The following LOXL3 variants were observed in gnomAD, a reference collection of about 807,000 sequenced individuals.
LOXL3 encodes the protein lysyl oxidase like 3.
LOXL3 carries 60 observed loss-of-function variants against 91.8 expected under a neutral mutation model. That is an observed-to-expected ratio of 0.65 (90% confidence interval 0.53 to 0.81). The LOEUF (loss-of-function observed/expected upper bound fraction) is 0.81, where lower values mean the gene tolerates loss of function less well. Ranked by LOEUF, LOXL3 falls within the 30% of genes least tolerant of loss-of-function variation. The pLI, the probability that LOXL3 is intolerant of heterozygous loss-of-function variation, is 0.00. For synonymous variants in LOXL3, 355 were observed against 387.6 expected, an observed-to-expected ratio of 0.92 and a Z score of 0.99; for missense variants, 874 against 1,000.4, an observed-to-expected ratio of 0.87 and a Z score of 1.70.
chr2:74,553,038 G>A (rs1677124711), intron 1 of LOXL3: 1 of 194,524 alleles, frequency 5.1e-6, no homozygotes, highest in Non-Finnish European at 1.0e-5. Context: ...ACAGAGGAGA[G>A]AGACAACGGA....
rs747492537 is a variant in LOXL3, at chr2:74,536,362, G to A, written c.1022C>T (p.Ala341Val). The A allele has an allele frequency of 6.2e-7, 1 of 1,614,004 alleles. No individual in the cohort carries two copies. The highest frequency in any genetic ancestry group is 8.5e-7 in the Non-Finnish European group (1 of 1,180,020). Reference sequence around the variant, plus strand: ...GCCCAGCTCCCGACACACCACGCTGGCTGCATGCAGGTCCCACTTGCGGTC... The same window carrying A: ...GCCCAGCTCCCGACACACCACGCTGACTGCATGCAGGTCCCACTTGCGGTC... ...VCDRKWDLHA[A>V]SVVCRELGFG... Residue 341 changes from alanine to valine, a missense_variant, in exon 6 of 14, where the codon GCC (alanine) becomes GTC (valine). Coordinates refer to ENST00000264094, the MANE Select transcript of LOXL3 (RefSeq NM_032603.5). This position sits in a 1 kb window ranked among gnomAD's most constrained non-coding sequence, Gnocchi z 4.5.
intron 11 of LOXL3, 34 bp from the exon 12 acceptor site, chr2:74,534,270 G>A (rs764571491): frequency 6.2e-7 from 1 of 1,614,194 alleles, no homozygotes; most frequent in South Asian, 1.1e-5. Flanking sequence ...TGTAAGGAAA[G>A]GCTGTGCAAT....
chr2:74,542,542 A>C (rs1371546274), intron 4 of LOXL3, among the ~76,000 whole-genome samples: 14 of 149,430 alleles, frequency 9.4e-5, no homozygotes, highest in African/African-American at 2.7e-4. Flanking sequence ...ACACACACAC[A>C]CCCTCTACTT....
intron 1 of LOXL3, 116 bp from the exon 2 acceptor site, chr2:74,552,762 C>A (rs138113824): frequency 3.4e-6 from 3 of 893,148 alleles, no homozygotes; most frequent in African/African-American, 1.7e-5. Context: ...ACAGAGACAG[C>A]GAGAGACAAC....
rs761763376 is a variant in LOXL3, at chr2:74,534,809, C to CGGGG, written c.1580-36_1580-35insCCCC. The CGGGG allele has an allele frequency of 2.5e-6, 4 of 1,596,270 alleles. No individual in the cohort carries two copies. In the African/African-American group the frequency reaches 5.4e-5, roughly 21 times the overall value. On this transcript the variant is annotated intron_variant, in intron 9 of 13. Coordinates refer to ENST00000264094, the MANE Select transcript of LOXL3 (RefSeq NM_032603.5). Reference sequence around the variant, plus strand: ...GAAAGGAAGGGGGTGTTAGAAGTCACTGCTGACTTCACAGAGAGGGGTGCT... The same window carrying CGGGG: ...GAAAGGAAGGGGGTGTTAGAAGTCACGGGGTGCTGACTTCACAGAGAGGGGTGCT...
At position 74,532,669 on chromosome 2, in the gene LOXL3, A is replaced by T. The variant is rs749358679; in HGVS notation, c.*937T>A. The stretch of plus-strand genomic sequence containing the variant: ...GAACCAAGCTTTCCCGATGTTCAGC[A>T]TGGTGTACTCATCCATAAAGTCATC... On this transcript the variant is annotated 3_prime_UTR_variant, in exon 14 of 14. Transcript: ENST00000264094. The T allele has an allele frequency of 1.2e-6, 2 of 1,613,836 alleles. No homozygotes were observed. Among genetic ancestry groups the T allele is most frequent in the South Asian group, 2.2e-5 (2 of 91,054 alleles).
At chr2:74,555,076 C>G, upstream of LOXL3, 1 of 1,512,822 alleles carries the variant, frequency 6.6e-7, no homozygotes, top group Non-Finnish European at 8.9e-7. This position sits in a 1 kb window ranked among gnomAD's most constrained non-coding sequence, Gnocchi z 6.1. Flanking sequence ...TCGACTTGCG[C>G]CGCAACCTCC....
At position 74,535,335 on chromosome 2, in the gene LOXL3, C is replaced by T. The variant is rs1675952067; in HGVS notation, c.1536G>A (p.Lys512=). The part of the protein sequence containing the change: ...CAHHGTHITC[K]RTGTRFTAGV... ...CAGCAGTGAAGCGGGTCCCTGTCCTCTTGCAGGTGATGTGGGTGCCATGAT... is the reference window on the plus strand; with the variant it reads ...CAGCAGTGAAGCGGGTCCCTGTCCTTTTGCAGGTGATGTGGGTGCCATGAT... The change falls in exon 9 of 14, where the codon AAG becomes AAA. Residue 512 remains lysine, a synonymous_variant. Transcript: ENST00000264094. The surrounding 1 kb of genome is among the most constrained non-coding windows in gnomAD (Gnocchi z 4.2). 1 of 1,613,980 alleles carries T rather than the reference C, an allele frequency of 6.2e-7. No individual in the cohort carries two copies. Among genetic ancestry groups the T allele is most frequent in the African/African-American group, 1.3e-5 (1 of 74,944 alleles).
rs145420599 is a variant in LOXL3, at chr2:74,535,348, T to C, written c.1523A>G (p.His508Arg). 3.4e-5 allele frequency: 55 copies of C among 1,613,952 alleles called. No individual in the cohort carries two copies. Among genetic ancestry groups the C allele is most frequent in the Non-Finnish European group, 4.5e-5 (53 of 1,180,024 alleles). ...GGTCCCTGTCCTCTTGCAGGTGATG[T>C]GGGTGCCATGATGGGCACACTGATC... Reference protein sequence around the residue: ...SLDQCAHHGTHITCKRTGTRF... With the variant: ...SLDQCAHHGTRITCKRTGTRF... Residue 508 changes from histidine (H) to arginine (R), a missense_variant, in exon 9 of 14, where the codon CAC becomes CGC. Physicochemically the swap from His to Arg is conservative, Grantham distance 29. Transcript: ENST00000264094. The surrounding 1 kb of genome is among the most constrained non-coding windows in gnomAD (Gnocchi z 4.2).
chr2:74,550,048 T>C lies in LOXL3; in HGVS notation c.477+137A>G, dbSNP rs1324402037. 4.7e-6 allele frequency: 7 copies of C among 1,476,238 alleles called. No homozygotes were observed. The South Asian group carries it at 8.6e-5, about 18-fold the overall frequency. 91.4% of individuals were successfully genotyped at this position (1,476,238 alleles called of 1,614,324 possible). A position where few individuals can be genotyped will look rare whatever the true frequency, so the allele number is the denominator to read the frequency against. ...GATTTTACAGCATCTGGGAGCTCTATCATTTGCTTTTCCAAGTCTCCCACC... is the reference window on the plus strand; with the variant it reads ...GATTTTACAGCATCTGGGAGCTCTACCATTTGCTTTTCCAAGTCTCCCACC... On this transcript the variant is annotated intron_variant, in intron 3 of 13. Coordinates refer to ENST00000264094, the MANE Select transcript of LOXL3 (RefSeq NM_032603.5).
chr2:74,533,452 G>C lies in LOXL3; in HGVS notation c.*154C>G. The C allele has an allele frequency of 1.5e-6, 1 of 648,156 alleles. No individual in the cohort carries two copies. Among genetic ancestry groups the C allele is most frequent in the Non-Finnish European group, 2.7e-6 (1 of 371,678 alleles). The allele number at this position is 648,156 out of a possible 1,614,324, so 40.2% of individuals were successfully genotyped here. A position where few individuals can be genotyped will look rare whatever the true frequency, so the allele number is the denominator to read the frequency against. ...ATACTGACAGCTGGCCTCTGAAGGA[G>C]GGTGAAAACTTCTGCTTGACAGTTC... On this transcript the variant is annotated 3_prime_UTR_variant, in exon 14 of 14. Transcript: ENST00000264094.
rs1257799499 is a variant in LOXL3 at position 74,536,890 on chromosome 2, T to C, written c.731A>G (p.His244Arg). 3.7e-6 allele frequency: 6 copies of C among 1,614,190 alleles called. No individual in the cohort carries two copies. Among genetic ancestry groups the C allele is most frequent in the Non-Finnish European group, 5.1e-6 (6 of 1,180,042 alleles). The change falls in exon 5 of 14, where the codon CAT becomes CGT. Residue 244 changes from histidine (H) to arginine (R), a missense_variant. Coordinates refer to ENST00000264094, the MANE Select transcript of LOXL3 (RefSeq NM_032603.5). The surrounding 1 kb of genome is among the most constrained non-coding windows in gnomAD (Gnocchi z 4.5). ...AQRQQHSFGLHGVACVGTEAH... is the reference protein window; with the variant it reads ...AQRQQHSFGLRGVACVGTEAH... ...CTCCGTGCCCACGCACGCCACCCCATGCAGACCAAAGGAGTGTTGCTGCCG... is the reference window on the plus strand; with the variant it reads ...CTCCGTGCCCACGCACGCCACCCCACGCAGACCAAAGGAGTGTTGCTGCCG...
chr2:74,555,665 G>A, upstream of LOXL3: 1 of 1,613,964 alleles, frequency 6.2e-7, no homozygotes, highest in Non-Finnish European at 8.5e-7. The surrounding 1 kb of genome is among the most constrained non-coding windows in gnomAD (Gnocchi z 6.1). Context: ...CCCTACCTGG[G>A]AAGGTAGACG....
chr2:74,551,389 T>C (rs570925643), intron 2 of LOXL3, among the ~76,000 whole-genome samples: 2 of 152,346 alleles, frequency 1.3e-5, no homozygotes, highest in South Asian at 4.1e-4. Flanking sequence ...CCAGACTGTG[T>C]AACCATCAAA....
chr2:74,532,454 C>T lies in LOXL3; in HGVS notation c.*1152G>A, dbSNP rs2104378997. The T allele has an allele frequency of 4.4e-6, 3 of 677,162 alleles. No homozygotes were observed. The highest frequency in any genetic ancestry group is 1.5e-5 in the South Asian group (1 of 65,566). The allele number at this position is 677,162 out of a possible 1,614,324, so 41.9% of individuals were successfully genotyped here. A position where few individuals can be genotyped will look rare whatever the true frequency, so the allele number is the denominator to read the frequency against. ...GTGTACATCTTTTATGTACATGTTG[C>T]ACTTTATTGCTAGAAGACAGAAAGT... is the stretch of plus-strand genomic sequence containing the variant. On this transcript the variant is annotated 3_prime_UTR_variant, in exon 14 of 14. Coordinates refer to ENST00000264094, the MANE Select transcript of LOXL3 (RefSeq NM_032603.5).
Position 74,535,274 on chromosome 2 carries a change from AC to A in LOXL3, c.1579+17del, listed in dbSNP as rs1400504026. On this transcript the variant is annotated intron_variant, in intron 9 of 13. Coordinates refer to ENST00000264094, the MANE Select transcript of LOXL3 (RefSeq NM_032603.5). The surrounding 1 kb of genome is among the most constrained non-coding windows in gnomAD (Gnocchi z 4.2). ...GACACTCCCTTCCCTGGCATGCATCACCCCCTCCTTCACTCACTCTCAGAAC... is the reference window on the plus strand; with the variant it reads ...GACACTCCCTTCCCTGGCATGCATCACCCCTCCTTCACTCACTCTCAGAAC... 1.9e-6 allele frequency: 3 copies of A among 1,600,036 alleles called. No individual in the cohort carries two copies. Among genetic ancestry groups the A allele is most frequent in the Admixed American group, 1.7e-5 (1 of 58,394 alleles).
intron 1 of LOXL3, 139 bp from the exon 2 acceptor site, chr2:74,552,785 G>A (rs1049541612): frequency 2.7e-6 from 2 of 733,780 alleles, no homozygotes; most frequent in Non-Finnish European, 4.3e-6. Context: ...GAGAGAAAGA[G>A]CCCCAGGGAC....
chr2:74,534,077 T>A, intron 12 of LOXL3, 23 bp downstream of exon 12: 1 of 1,613,530 alleles, frequency 6.2e-7, no homozygotes, highest in Middle Eastern at 1.6e-4. Flanking sequence ...CTCACCCATC[T>A]GGAAGCCCCA....
intron 4 of LOXL3, among the ~76,000 whole-genome samples, chr2:74,538,942 T>C (rs1391162088): frequency 2.0e-5 from 3 of 152,192 alleles, no homozygotes; most frequent in Non-Finnish European, 4.4e-5. Context: ...GGACCAGTCT[T>C]GCGTAACACT....
Sources: gnomAD v4.1 joint callset for allele counts (sites outside exome capture counted in the v4.1 genomes callset) on GRCh38, gnomAD v4.1.1 for gene constraint, Gnocchi (gnomAD v3.1) non-coding constraint, MANE v1.5 for transcripts, NCBI Gene and HGNC (gene_info 2026-07-23, HGNC 2026-07-21) for gene names.